The following ELP5 variants were observed in gnomAD, a reference collection of about 807,000 sequenced individuals.
ELP5 encodes elongator acetyltransferase complex subunit 5.
ELP5 carries 34 observed loss-of-function variants against 33.4 expected under a neutral mutation model. The ratio of observed to expected loss-of-function variants is 1.02; its 90% CI spans 0.78 to 1.36. The LOEUF (loss-of-function observed/expected upper bound fraction) is 1.36, where lower values mean the gene tolerates loss of function less well. Ranked by LOEUF, ELP5 falls within the 40% of genes most tolerant of loss-of-function variation. The probability of loss-of-function intolerance (pLI) is 0.00; values close to 1 mark genes in which losing one functional copy is unlikely to be tolerated. For missense variants in ELP5, 373 were observed against 371.7 expected (o/e 1.00, Z -0.03); for synonymous variants, 161 against 146.4 (o/e 1.10, Z -0.72).
chr17:7,256,089 A>G (rs1271218733), intron 4 of ELP5, among the ~76,000 whole-genome samples: 1 of 152,174 alleles, frequency 6.6e-6, no homozygotes, highest in Admixed American at 6.6e-5. Context: ...GCAGAGGCTC[A>G]TGCCTGTAAT....
Position 7,259,813 on chromosome 17 carries a change from G to C in ELP5, c.*128G>C. Reference sequence around the variant, plus strand: ...CACCTTGGTTCCCCTTGTCTATGGAGCCCCGCCTTGTGAGCCAGGAAGCAG... The same window carrying C: ...CACCTTGGTTCCCCTTGTCTATGGACCCCCGCCTTGTGAGCCAGGAAGCAG... On this transcript the variant is annotated 3_prime_UTR_variant, in exon 8 of 8. Coordinates refer to ENST00000396628, the MANE Select transcript of ELP5 (RefSeq NM_203414.3). 1 of 1,466,620 alleles carries C rather than the reference G, an allele frequency of 6.8e-7. No individual in the cohort carries two copies. The highest frequency in any genetic ancestry group is 9.0e-7 in the Non-Finnish European group (1 of 1,105,726). 90.9% of individuals were successfully genotyped at this position (1,466,620 alleles called of 1,614,324 possible). A position where few individuals can be genotyped will look rare whatever the true frequency, so the allele number is the denominator to read the frequency against.
In ELP5 at chr17:7,259,433, C is replaced by A; in HGVS notation, c.789-138C>A. On this transcript the variant is annotated intron_variant, in intron 7 of 7. Transcript: ENST00000396628. Reference sequence around the variant, plus strand: ...GGTGCTTCAGCTCTAACATGGAGGTCAGAGAAAGGGACTTGGACCAATAAA... The same window carrying A: ...GGTGCTTCAGCTCTAACATGGAGGTAAGAGAAAGGGACTTGGACCAATAAA... 4 of 1,475,862 alleles carry A rather than the reference C, an allele frequency of 2.7e-6. No homozygotes were observed. In the South Asian group the frequency reaches 5.6e-5, roughly 21 times the overall value. 91.4% of individuals were successfully genotyped at this position (1,475,862 alleles called of 1,614,324 possible).
intron 5 of ELP5, 58 bp from the exon 6 acceptor site, chr17:7,258,530 G>A: frequency 6.5e-7 from 1 of 1,537,896 alleles, no homozygotes; most frequent in Non-Finnish European, 9.0e-7. Context: ...GTGAGGTCCT[G>A]GAGTCTGTCT....
Position 7,255,322 on chromosome 17 carries a change from G to A in ELP5, c.409+519G>A, listed in dbSNP as rs545988784. Among the ~76,000 whole-genome samples, 15 of 151,856 alleles carry A rather than the reference G, an allele frequency of 9.9e-5. No individual in the cohort carries two copies. In the South Asian group the frequency reaches 1.3e-3, roughly 13 times the overall value. The stretch of plus-strand genomic sequence containing the variant: ...GGGTAGATCACAAGGTCAGGAGATC[G>A]AGACCATCCTGGCTAACATGGTGAA... On this transcript the variant is annotated intron_variant, in intron 4 of 7. Transcript: ENST00000396628.
At chr17:7,253,521 A>G (rs1392675596) in intron 3 of ELP5, among the ~76,000 whole-genome samples, 4 of 152,206 alleles carry the variant, frequency 2.6e-5, no homozygotes. Flanking sequence ...GTATTGAGAT[A>G]AGGAAGTTCC....
At chr17:7,255,750 C>T (rs1201093013) in intron 4 of ELP5, among the ~76,000 whole-genome samples, 1 of 152,152 alleles carries the variant, frequency 6.6e-6, no homozygotes. Flanking sequence ...ACTATATTGC[C>T]ATTTCTTAGG....
Position 7,256,985 on chromosome 17 carries a change from C to T in ELP5, c.538C>T (p.Gln180Ter). 1 of 1,611,304 alleles carries T rather than the reference C, an allele frequency of 6.2e-7. No homozygotes were observed. Residue 180 changes from glutamine to a stop codon, truncating the protein, a stop_gained, in exon 5 of 8, where the codon CAG (glutamine) becomes TAG (stop). Coordinates refer to ENST00000396628, the MANE Select transcript of ELP5 (RefSeq NM_203414.3). LOFTEE classifies it high-confidence loss of function. ...TEVTLGGTMG[Q>*]ASAHILCRRP... is the part of the protein sequence containing the mutation. Reference sequence around the variant, plus strand: ...GGTGACCCTGGGCGGTACCATGGGCCAGGCCTCGGCCCACATCCTGTGTCG... The same window carrying T: ...GGTGACCCTGGGCGGTACCATGGGCTAGGCCTCGGCCCACATCCTGTGTCG...
rs1005796959 is a variant in ELP5 at position 7,259,857 on chromosome 17, G to A, written c.*172G>A. The stretch of plus-strand genomic sequence containing the variant: ...GAAGCAGCGTCTCATCAGGACAGAA[G>A]GTAGGATGAAGACATGGGGTAATGT... On this transcript the variant is annotated 3_prime_UTR_variant, in exon 8 of 8. Coordinates refer to ENST00000396628, the MANE Select transcript of ELP5 (RefSeq NM_203414.3). 2 of 1,200,524 alleles carry A rather than the reference G, an allele frequency of 1.7e-6. No homozygotes were observed. The highest frequency in any genetic ancestry group is 2.7e-5 in the Admixed American group (1 of 37,536). The allele number at this position is 1,200,524 out of a possible 1,614,324, so 74.4% of individuals were successfully genotyped here.
At chr17:7,255,642 A>G (rs2072059566) in intron 4 of ELP5, among the ~76,000 whole-genome samples, 1 of 152,172 alleles carries the variant, frequency 6.6e-6, no homozygotes, top group Non-Finnish European at 1.5e-5. Flanking sequence ...TGGACTTAGG[A>G]GTCAGACGCC....
intron 5 of ELP5, 26 bp from the exon 6 acceptor site, chr17:7,258,562 A>G (rs749064687): frequency 1.2e-6 from 2 of 1,610,684 alleles, no homozygotes; most frequent in South Asian, 1.1e-5. Context: ...TAAGATGAAA[A>G]AAACTCTTTT....
rs2072173504 is a variant in ELP5, at chr17:7,259,858, G to C, written c.*173G>C. 3 of 1,152,510 alleles carry C rather than the reference G, an allele frequency of 2.6e-6. No individual in the cohort carries two copies. The highest frequency in any genetic ancestry group is 2.4e-6 in the Non-Finnish European group (2 of 838,022). The allele number at this position is 1,152,510 out of a possible 1,614,324, so 71.4% of individuals were successfully genotyped here. On this transcript the variant is annotated 3_prime_UTR_variant, in exon 8 of 8. Coordinates refer to ENST00000396628, the MANE Select transcript of ELP5 (RefSeq NM_203414.3). Reference sequence around the variant, plus strand: ...AAGCAGCGTCTCATCAGGACAGAAGGTAGGATGAAGACATGGGGTAATGTG... The same window carrying C: ...AAGCAGCGTCTCATCAGGACAGAAGCTAGGATGAAGACATGGGGTAATGTG...
intron 7 of ELP5, chr17:7,259,297 C>A: frequency 7.2e-7 from 1 of 1,382,502 alleles, no homozygotes; most frequent in Non-Finnish European, 9.4e-7. Context: ...CTGTTCTGTG[C>A]CCAGTATGTG....
intron 5 of ELP5, among the ~76,000 whole-genome samples, chr17:7,257,788 G>T (rs2072110445): frequency 6.6e-6 from 1 of 152,204 alleles, no homozygotes; most frequent in East Asian, 1.9e-4. Flanking sequence ...TGTAAGTGGG[G>T]CCCAGGCGAG....
At chr17:7,254,174 G>A (rs926310195) in intron 3 of ELP5, among the ~76,000 whole-genome samples, 2 of 152,142 alleles carry the variant, frequency 1.3e-5, no homozygotes, top group African/African-American at 4.8e-5. Flanking sequence ...CAAATCTCAC[G>A]TCCTCTGCTT....
At chr17:7,259,318 G>T in intron 7 of ELP5, 3 of 1,392,106 alleles carry the variant, frequency 2.2e-6, no homozygotes, top group Non-Finnish European at 2.8e-6. Flanking sequence ...GGCGGATGAC[G>T]CAAGACTACA....
At chr17:7,257,143 CAA>C in intron 5 of ELP5, 105 bp downstream of exon 5, 3 of 1,292,234 alleles carry the variant, frequency 2.3e-6, no homozygotes, top group Non-Finnish European at 3.1e-6. Flanking sequence ...ACTTTAAAAA[CAA>C]ACTTTTTTAG....
Position 7,259,862 on chromosome 17 carries a change from G to C in ELP5, c.*177G>C, listed in dbSNP as rs1308734207. The C allele has an allele frequency of 4.5e-6, 5 of 1,121,010 alleles. No individual in the cohort carries two copies. Among genetic ancestry groups the C allele is most frequent in the Non-Finnish European group, 4.9e-6 (4 of 810,896 alleles). 69.4% of individuals were successfully genotyped at this position (1,121,010 alleles called of 1,614,324 possible). A position where few individuals can be genotyped will look rare whatever the true frequency, so the allele number is the denominator to read the frequency against. On this transcript the variant is annotated 3_prime_UTR_variant, in exon 8 of 8. Coordinates refer to ENST00000396628, the MANE Select transcript of ELP5 (RefSeq NM_203414.3). ...AGCGTCTCATCAGGACAGAAGGTAG[G>C]ATGAAGACATGGGGTAATGTGAGAG...
At chr17:7,256,075 G>A (rs374095435) in intron 4 of ELP5, among the ~76,000 whole-genome samples, 7 of 151,930 alleles carry the variant, frequency 4.6e-5, no homozygotes, top group Admixed American at 2.6e-4. Context: ...AAAACAGTCC[G>A]GGCGCAGAGG....
At chr17:7,252,880 G>A (rs773370907) in intron 2 of ELP5, 38 bp from the exon 3 acceptor site, 14 of 1,614,120 alleles carry the variant, frequency 8.7e-6, no homozygotes, top group Middle Eastern at 1.6e-4. Context: ...GGGCACCTGT[G>A]CCCACTCTTT....
Sources: gnomAD v4.1 joint callset for allele counts (sites outside exome capture counted in the v4.1 genomes callset) on GRCh38, gnomAD v4.1.1 for gene constraint, MANE v1.5 for transcripts, NCBI Gene and HGNC (gene_info 2026-07-23, HGNC 2026-07-21) for gene names.